Variants in NLK observed in about 807,000 individuals in gnomAD.
The protein encoded by NLK is nemo like kinase, also known as serine/threonine-protein kinase NLK.
A neutral mutation model predicts 59.0 loss-of-function variants in NLK; 11 were observed. The ratio of observed to expected loss-of-function variants is 0.19; its 90% CI spans 0.12 to 0.31. The LOEUF is 0.31. Ranked by LOEUF, NLK falls within the 10% of genes least tolerant of loss-of-function variation. NLK has a pLI of 1.00. For missense variants in NLK, 410 were observed against 661.1 expected, an observed-to-expected ratio of 0.62 and a Z score of 4.16; for synonymous variants, 235 against 235.9, an observed-to-expected ratio of 1.00 and a Z score of 0.03.
At chr17:28,075,495 T>G (rs1417272541) in intron 1 of NLK, among the ~76,000 whole-genome samples, 1 of 152,236 alleles carries the variant, frequency 6.6e-6, no homozygotes, top group African/African-American at 2.4e-5. Flanking sequence ...ACAACATCTC[T>G]GTACAGTTTG....
chr17:28,198,568 A>G (rs145290864), downstream of NLK, among the ~76,000 whole-genome samples: 1,159 of 151,088 alleles, frequency 7.7e-3, 13 homozygotes, highest in African/African-American at 0.027. Context: ...CAAATGATCC[A>G]CCCACCTTGG....
chr17:28,163,592 A>C lies in NLK; in HGVS notation c.801A>C (p.Pro267=), dbSNP rs148709860. Residue 267 remains proline (P), a synonymous_variant, in exon 5 of 11, where the codon CCA becomes CCC. Transcript: ENST00000407008. The part of the protein sequence containing the change: ...SAGILHRDIK[P]GNLLVNSNCV... ...GCATTTTACATCGAGACATTAAGCC[A>C]GGGAATCTCCTTGTGAACAGCAACT... 4.4e-6 allele frequency: 7 copies of C among 1,609,156 alleles called. No homozygotes were observed. In the African/African-American group the frequency reaches 9.4e-5, roughly 22 times the overall value.
At chr17:28,065,665 A>G (rs534055149) in intron 1 of NLK, among the ~76,000 whole-genome samples, 1 of 152,304 alleles carries the variant, frequency 6.6e-6, no homozygotes, top group African/African-American at 2.4e-5. Flanking sequence ...GTCTAGGTGA[A>G]TGTTCCTCCT....
chr17:28,121,392 A>C (rs200762355), intron 1 of NLK, among the ~76,000 whole-genome samples: 1 of 24,416 alleles, frequency 4.1e-5, no homozygotes, highest in African/African-American at 1.1e-4. Flanking sequence ...AGAAGGGGGG[A>C]AAAAAAAAAA....
intron 1 of NLK, among the ~76,000 whole-genome samples, chr17:28,067,321 AAAAG>A (rs1909861974): frequency 2.0e-5 from 3 of 152,196 alleles, no homozygotes; most frequent in African/African-American, 7.2e-5. Flanking sequence ...GTTTTTTACA[AAAAG>A]AACATCTATT....
chr17:28,192,337 G>T (rs1219158809), intron 10 of NLK, 124 bp downstream of exon 10: 2 of 622,988 alleles, frequency 3.2e-6, no homozygotes, highest in East Asian at 5.7e-5. Flanking sequence ...GAAAGTTTCT[G>T]TTATGAGGTT....
At chr17:28,050,204 GATGCTTCCTA>G (rs1199682520) in intron 1 of NLK, among the ~76,000 whole-genome samples, 23 of 151,946 alleles carry the variant, frequency 1.5e-4, no homozygotes, top group Non-Finnish European at 8.8e-5. Context: ...GGAAGGTCAG[GATGCTTCCTA>G]AAATAGGTAA....
chr17:28,163,738 A>G (rs1908106604), intron 5 of NLK, 110 bp downstream of exon 5: 1 of 666,166 alleles, frequency 1.5e-6, no homozygotes, highest in Admixed American at 2.9e-5. Context: ...ACTTTACCAA[A>G]AGTTAACCCA....
intron 1 of NLK, among the ~76,000 whole-genome samples, chr17:28,088,387 T>C (rs998546275): frequency 6.6e-6 from 1 of 152,242 alleles, no homozygotes; most frequent in Non-Finnish European, 1.5e-5. Context: ...CTTCTGTATT[T>C]GTTAGCTGAA....
chr17:28,066,138 A>C (rs1266398115), intron 1 of NLK, among the ~76,000 whole-genome samples: 1 of 151,982 alleles, frequency 6.6e-6, no homozygotes, highest in African/African-American at 2.4e-5. Flanking sequence ...CAGGTGTTCA[A>C]CCTCTGCCCC....
chr17:28,134,079 A>G (rs1223058339), intron 3 of NLK, among the ~76,000 whole-genome samples: 3 of 150,948 alleles, frequency 2.0e-5, no homozygotes, highest in African/African-American at 4.9e-5. Context: ...AAAATATTTG[A>G]AAAAAAAATA....
At chr17:28,073,793 T>TTAC (rs1283187895) in intron 1 of NLK, among the ~76,000 whole-genome samples, 11 of 152,206 alleles carry the variant, frequency 7.2e-5, no homozygotes, top group Non-Finnish European at 1.3e-4. Flanking sequence ...GTAGAATGAA[T>TTAC]TACTCTTTTA....
intron 1 of NLK, among the ~76,000 whole-genome samples, chr17:28,086,349 G>A (rs1036252734): frequency 1.3e-5 from 2 of 151,902 alleles, no homozygotes; most frequent in African/African-American, 4.8e-5. Context: ...AATAATATGG[G>A]CATAATAGCT....
intron 7 of NLK, among the ~76,000 whole-genome samples, chr17:28,173,962 A>G (rs1294536303): frequency 6.6e-6 from 1 of 152,206 alleles, no homozygotes. Flanking sequence ...GAGGAGTTTT[A>G]ACTGTTGTTA....
chr17:28,141,148 A>T (rs530269872), intron 3 of NLK, among the ~76,000 whole-genome samples: 1 of 152,324 alleles, frequency 6.6e-6, no homozygotes, highest in South Asian at 2.1e-4. Context: ...ATGTTGTATC[A>T]TCTATCTAGA....
intron 7 of NLK, among the ~76,000 whole-genome samples, chr17:28,182,259 T>TTTTG (rs574908291): frequency 3.9e-5 from 6 of 152,264 alleles, no homozygotes; most frequent in South Asian, 2.1e-4. Context: ...TTGGTGTTGT[T>TTTTG]TTTGTTTGTT....
chr17:28,188,871 A>G (rs926999089), intron 8 of NLK, among the ~76,000 whole-genome samples: 1 of 152,142 alleles, frequency 6.6e-6, no homozygotes, highest in African/African-American at 2.4e-5. Context: ...TGGGTTAAGC[A>G]GTCTACTGCC....
At chr17:28,178,931 C>A (rs536177617) in intron 7 of NLK, among the ~76,000 whole-genome samples, 2 of 152,270 alleles carry the variant, frequency 1.3e-5, no homozygotes, top group South Asian at 2.1e-4. Context: ...GTCTAGCTGA[C>A]CCTGCTGTAG....
At chr17:28,175,124 T>C (rs566755905) in intron 7 of NLK, among the ~76,000 whole-genome samples, 1 of 151,962 alleles carries the variant, frequency 6.6e-6, no homozygotes, top group Non-Finnish European at 1.5e-5. Context: ...ATGTACTCAA[T>C]TTATAACCTC....
Sources: gnomAD v4.1 joint callset for allele counts (sites outside exome capture counted in the v4.1 genomes callset) on GRCh38, gnomAD v4.1.1 for gene constraint, MANE v1.5 for transcripts, NCBI Gene and HGNC (gene_info 2026-07-23, HGNC 2026-07-21) for gene names.